GOLM2: variants seen among roughly 807,000 people sequenced by gnomAD.
GOLM2 encodes the protein golgi membrane protein 2, also known as protein GOLM2.
GOLM2 carries 26 observed loss-of-function variants against 55.9 expected under a neutral mutation model. The observed-to-expected ratio is 0.47, with a 90% confidence interval of 0.34 to 0.65. The LOEUF is 0.65. Among genes scored for constraint, GOLM2 ranks in the 30% least tolerant of loss-of-function variants. GOLM2 has a pLI of 0.01. For missense variants in GOLM2, 486 were observed against 531.8 expected (o/e 0.91, Z 0.85); for synonymous variants, 165 against 194.6 (o/e 0.85, Z 1.27).
chr15:44,288,913 G>T lies in GOLM2; in HGVS notation c.-117G>T. On this transcript the variant is annotated 5_prime_UTR_variant, in exon 1 of 10. Coordinates refer to ENST00000299957, the MANE Select transcript of GOLM2 (RefSeq NM_138423.4). ...CGGCTCGCAGCCGACCGGTAAGCCC[G>T]CCTCCTCCCTCGGCCGGCCCTGGGG... 1 of 933,630 alleles carries T rather than the reference G, an allele frequency of 1.1e-6. No individual in the cohort carries two copies. Among genetic ancestry groups the T allele is most frequent in the Non-Finnish European group, 1.6e-6 (1 of 637,324 alleles). The allele number at this position is 933,630 out of a possible 1,614,324, so 57.8% of individuals were successfully genotyped here.
chr15:44,398,607 A>G (rs556586124), intron 8 of GOLM2, among the ~76,000 whole-genome samples: 28 of 149,636 alleles, frequency 1.9e-4, no homozygotes, highest in Admixed American at 6.7e-4. Context: ...AGGAGATTCT[A>G]TATACTTTGT....
intron 9 of GOLM2, chr15:44,409,908 T>G: frequency 6.7e-6 from 1 of 148,254 alleles, no homozygotes; most frequent in Non-Finnish European, 1.5e-5. Flanking sequence ...AGAGCAAGAC[T>G]TCGTCTAAAA....
intron 6 of GOLM2, among the ~76,000 whole-genome samples, chr15:44,373,834 C>T (rs748116004): frequency 3.9e-4 from 59 of 152,052 alleles, no homozygotes; most frequent in Non-Finnish European, 5.3e-4. Context: ...GGTGCGATGG[C>T]TCACACCTAT....
At chr15:44,336,969 T>C (rs1224548758) in intron 4 of GOLM2, among the ~76,000 whole-genome samples, 1 of 152,184 alleles carries the variant, frequency 6.6e-6, no homozygotes, top group African/African-American at 2.4e-5. Context: ...CTAGATTCCA[T>C]ATAGATTTTT....
At chr15:44,325,370 C>T (rs2078974309) in intron 2 of GOLM2, among the ~76,000 whole-genome samples, 1 of 152,048 alleles carries the variant, frequency 6.6e-6, no homozygotes, top group Admixed American at 6.5e-5. Context: ...AGTCTTTTAT[C>T]TTCAATTACA....
At chr15:44,297,339 T>C (rs558246077) in intron 1 of GOLM2, among the ~76,000 whole-genome samples, 51 of 152,186 alleles carry the variant, frequency 3.4e-4, no homozygotes, top group Non-Finnish European at 6.6e-4. Context: ...GTTAGAATTC[T>C]GCTGTCTCAT....
intron 8 of GOLM2, among the ~76,000 whole-genome samples, chr15:44,392,530 G>A (rs2079498007): frequency 6.6e-6 from 1 of 151,896 alleles, no homozygotes. Context: ...GGCTGAGGCT[G>A]GAGAATCGCT....
intron 6 of GOLM2, among the ~76,000 whole-genome samples, chr15:44,365,894 T>C (rs1449422190): frequency 6.6e-6 from 1 of 152,126 alleles, no homozygotes; most frequent in Non-Finnish European, 1.5e-5. Flanking sequence ...TGTACCACTT[T>C]GGTAGGGGAT....
Position 44,339,794 on chromosome 15 carries a change from C to G in GOLM2, c.802+1477C>G, listed in dbSNP as rs556341250. Among the ~76,000 whole-genome samples, 14 of 152,070 alleles carry G rather than the reference C, an allele frequency of 9.2e-5. No individual in the cohort carries two copies. In the South Asian group the frequency reaches 1.5e-3, roughly 16 times the overall value. On this transcript the variant is annotated intron_variant, in intron 6 of 9. Coordinates refer to ENST00000299957, the MANE Select transcript of GOLM2 (RefSeq NM_138423.4). ...AGACTACAGGTGTGTGCCATCATGCCCAGCTAATTTTATTTTTTATTTTCT... is the reference window on the plus strand; with the variant it reads ...AGACTACAGGTGTGTGCCATCATGCGCAGCTAATTTTATTTTTTATTTTCT...
Position 44,403,219 on chromosome 15 carries a change from A to G in GOLM2, c.1240+165A>G, listed in dbSNP as rs559485999. Reference sequence around the variant, plus strand: ...CTTTTGTTGCCCAGGCTGGAGTCCAATGGTGCGATCTTGGCTCACCGCAAC... The same window carrying G: ...CTTTTGTTGCCCAGGCTGGAGTCCAGTGGTGCGATCTTGGCTCACCGCAAC... On this transcript the variant is annotated intron_variant, in intron 9 of 9. Coordinates refer to ENST00000299957, the MANE Select transcript of GOLM2 (RefSeq NM_138423.4). The G allele has an allele frequency of 1.5e-4, 109 of 715,004 alleles. 1 individual carries two copies. Among genetic ancestry groups the G allele is most frequent in the South Asian group, 7.4e-4 (44 of 59,540 alleles). 44.3% of individuals were successfully genotyped at this position (715,004 alleles called of 1,614,324 possible).
chr15:44,390,328 A>T (rs1402868814), intron 8 of GOLM2: 2 of 152,234 alleles, frequency 1.3e-5, no homozygotes, highest in Non-Finnish European at 2.9e-5. Context: ...TTGTATTTAG[A>T]TGCTTTGAAT....
At chr15:44,397,286 TGG>T (rs2079532738) in intron 8 of GOLM2, among the ~76,000 whole-genome samples, 1 of 151,954 alleles carries the variant, frequency 6.6e-6, no homozygotes. Flanking sequence ...AAGATCATCC[TGG>T]CTAACACGGT....
intron 1 of GOLM2, among the ~76,000 whole-genome samples, chr15:44,300,453 C>T (rs2078790067): frequency 6.6e-6 from 1 of 152,068 alleles, no homozygotes; most frequent in Admixed American, 6.6e-5. Flanking sequence ...TTCTTACTCT[C>T]CTGATAAAGG....
chr15:44,304,844 C>T lies in GOLM2; in HGVS notation c.327+15488C>T, dbSNP rs185585400. 4.5e-4 allele frequency among the ~76,000 whole-genome samples: 69 copies of T among 152,174 alleles called. No homozygotes were observed. In the East Asian group the frequency reaches 7.3e-3, roughly 16 times the overall value. ...TACTGGGATTACAGGCATAAGCCACCGTGCCTAGCCTAATTCTAGGTCTCT... is the reference window on the plus strand; with the variant it reads ...TACTGGGATTACAGGCATAAGCCACTGTGCCTAGCCTAATTCTAGGTCTCT... On this transcript the variant is annotated intron_variant, in intron 1 of 9. Transcript: ENST00000299957.
chr15:44,312,847 G>A (rs748615600), intron 1 of GOLM2, among the ~76,000 whole-genome samples: 5 of 152,046 alleles, frequency 3.3e-5, no homozygotes, highest in East Asian at 1.9e-4. Flanking sequence ...TTGGGAGGCC[G>A]AGGCAGGCGG....
intron 6 of GOLM2, among the ~76,000 whole-genome samples, chr15:44,371,651 T>C (rs1053542563): frequency 1.2e-4 from 18 of 152,212 alleles, no homozygotes; most frequent in Non-Finnish European, 1.8e-4. Context: ...TTCATCTCTT[T>C]CTAGGAGTTT....
chr15:44,377,005 T>C (rs2079369083), intron 6 of GOLM2, among the ~76,000 whole-genome samples: 1 of 152,202 alleles, frequency 6.6e-6, no homozygotes, highest in African/African-American at 2.4e-5. Flanking sequence ...GTTTACAGGA[T>C]ACACACTGCT....
At chr15:44,304,755 A>G (rs1255149651) in intron 1 of GOLM2, among the ~76,000 whole-genome samples, 3 of 151,986 alleles carry the variant, frequency 2.0e-5, no homozygotes, top group Admixed American at 6.6e-5. Context: ...GGGTCTTGCT[A>G]TGTTGCCCAG....
At chr15:44,355,925 A>C (rs1185955196) in intron 6 of GOLM2, among the ~76,000 whole-genome samples, 8 of 152,246 alleles carry the variant, frequency 5.3e-5, no homozygotes, top group African/African-American at 1.9e-4. Flanking sequence ...AATAATAGAA[A>C]GATAACTGGA....
Sources: allele counts gnomAD v4.1 joint callset (sites outside exome capture counted in the v4.1 genomes callset), GRCh38; gene constraint gnomAD v4.1.1; transcripts MANE v1.5; gene names NCBI Gene and HGNC (gene_info 2026-07-23, HGNC 2026-07-21).